The following DCAF1 variants were observed in gnomAD, a reference collection of about 807,000 sequenced individuals.
DCAF1 encodes DDB1 and CUL4 associated factor 1.
DCAF1 carries 15 observed loss-of-function variants against 128.0 expected under a neutral mutation model. The ratio of observed to expected loss-of-function variants is 0.12; its 90% CI spans 0.08 to 0.18. The LOEUF is 0.18. Ranked by LOEUF, DCAF1 falls within the 10% of genes least tolerant of loss-of-function variation. The probability of loss-of-function intolerance (pLI) is 1.00; values close to 1 mark genes in which losing one functional copy is unlikely to be tolerated. For synonymous variants in DCAF1, 610 were observed against 603.0 expected (o/e 1.01, Z -0.17); for missense variants, 988 against 1,649.5 (o/e 0.60, Z 6.95).
chr3:51,442,005 C>T, intron 7 of DCAF1, 108 bp from the exon 8 acceptor site: 1 of 1,413,096 alleles, frequency 7.1e-7, no homozygotes, highest in Non-Finnish European at 9.4e-7. Context: ...GCAGTGAGCC[C>T]AACGCCTGTA....
Position 51,440,950 on chromosome 3 carries a change from A to T in DCAF1, c.1128+20T>A. 4 of 1,585,902 alleles carry T rather than the reference A, an allele frequency of 2.5e-6. No homozygotes were observed. The South Asian group carries it at 4.6e-5, about 18-fold the overall frequency. On this transcript the variant is annotated intron_variant, in intron 9 of 24. Coordinates refer to ENST00000684031, the MANE Select transcript of DCAF1 (RefSeq NM_001387579.1). ...GTTTTTAAAAAATCCCCGGTGACCCAATATTTTTAAGAACTTTACCTTTAG... is the reference window on the plus strand; with the variant it reads ...GTTTTTAAAAAATCCCCGGTGACCCTATATTTTTAAGAACTTTACCTTTAG...
chr3:51,494,414 G>T (rs376417980), intron 2 of DCAF1, among the ~76,000 whole-genome samples: 1 of 151,944 alleles, frequency 6.6e-6, no homozygotes, highest in African/African-American at 2.4e-5. Context: ...GCGCCCGGCC[G>T]AGGTTTCCTT....
intron 13 of DCAF1, among the ~76,000 whole-genome samples, chr3:51,422,954 G>C (rs1465817915): frequency 6.6e-6 from 1 of 151,992 alleles, no homozygotes; most frequent in Non-Finnish European, 1.5e-5. Flanking sequence ...TGTAGTCCCA[G>C]CTTCTCAGGA....
intron 12 of DCAF1, 142 bp downstream of exon 12, chr3:51,429,119 C>G (rs781891260): frequency 1.9e-5 from 11 of 592,558 alleles, no homozygotes; most frequent in Admixed American, 5.8e-5. Flanking sequence ...ATCCATTTTT[C>G]AATTGTTCTG....
rs549399964 is a variant in DCAF1 at position 51,441,206 on chromosome 3, G to A, written c.1027-135C>T. 2.4e-4 allele frequency: 275 copies of A among 1,153,354 alleles called. 1 individual carries two copies. In the African/African-American group the frequency reaches 4.0e-3, roughly 17 times the overall value. 71.4% of individuals were successfully genotyped at this position (1,153,354 alleles called of 1,614,324 possible). A position where few individuals can be genotyped will look rare whatever the true frequency, so the allele number is the denominator to read the frequency against. Reference sequence around the variant, plus strand: ...TCCCTGTGAAGATAAACGTGTAAATGCACTTTAATCAAATAGACCATATCA... The same window carrying A: ...TCCCTGTGAAGATAAACGTGTAAATACACTTTAATCAAATAGACCATATCA... On this transcript the variant is annotated intron_variant, in intron 8 of 24. Coordinates refer to ENST00000684031, the MANE Select transcript of DCAF1 (RefSeq NM_001387579.1).
chr3:51,433,610 C>T (rs1299951799), intron 9 of DCAF1, among the ~76,000 whole-genome samples: 1 of 151,560 alleles, frequency 6.6e-6, no homozygotes, highest in East Asian at 2.0e-4. Context: ...TACAGATACC[C>T]GCCACCACGT....
upstream of DCAF1, among the ~76,000 whole-genome samples, chr3:51,504,124 G>A (rs934744972): frequency 3.4e-5 from 5 of 148,168 alleles, no homozygotes; most frequent in Admixed American, 1.4e-4. Context: ...CGCAAGCTCC[G>A]CCTCCTGGTT....
chr3:51,410,652 T>TA (rs1698318999), intron 23 of DCAF1, among the ~76,000 whole-genome samples: 1 of 152,250 alleles, frequency 6.6e-6, no homozygotes, highest in Non-Finnish European at 1.5e-5. Flanking sequence ...TTCTTGCTTT[T>TA]AAAGAATTAT....
At chr3:51,478,949 T>C (rs1705821251) in intron 3 of DCAF1, among the ~76,000 whole-genome samples, 1 of 152,158 alleles carries the variant, frequency 6.6e-6, no homozygotes, top group Non-Finnish European at 1.5e-5. Flanking sequence ...TTCATAATAT[T>C]ATAGTTCTTT....
chr3:51,432,791 G>A (rs887443501), intron 10 of DCAF1, among the ~76,000 whole-genome samples: 2 of 152,098 alleles, frequency 1.3e-5, no homozygotes, highest in African/African-American at 2.4e-5. Flanking sequence ...AAATGTCATT[G>A]CACTAAGACA....
intron 6 of DCAF1, among the ~76,000 whole-genome samples, chr3:51,461,708 T>C (rs1185275765): frequency 6.6e-6 from 1 of 152,164 alleles, no homozygotes; most frequent in Non-Finnish European, 1.5e-5. Context: ...ATGGCACATA[T>C]ATACCATGGA....
At chr3:51,426,768 G>A (rs1331879303) in intron 13 of DCAF1, among the ~76,000 whole-genome samples, 6 of 152,114 alleles carry the variant, frequency 3.9e-5, no homozygotes, top group African/African-American at 1.4e-4. Context: ...GGAAAAGAAG[G>A]TCAAGCACTC....
chr3:51,425,504 G>A (rs1348659744), intron 13 of DCAF1, among the ~76,000 whole-genome samples: 2 of 146,240 alleles, frequency 1.4e-5, no homozygotes, highest in Non-Finnish European at 3.0e-5. Context: ...AAACACAGAT[G>A]TACCAGTTTA....
intron 9 of DCAF1, among the ~76,000 whole-genome samples, chr3:51,439,017 A>C (rs945958183): frequency 2.0e-5 from 3 of 152,220 alleles, no homozygotes; most frequent in African/African-American, 7.2e-5. Context: ...TCATTCAACT[A>C]TCTCTCTCCA....
chr3:51,456,687 C>A (rs1482348435), intron 6 of DCAF1, among the ~76,000 whole-genome samples: 1 of 152,206 alleles, frequency 6.6e-6, no homozygotes, highest in Non-Finnish European at 1.5e-5. Flanking sequence ...TGACACCTCA[C>A]ACGGCTGGGT....
In DCAF1 at chr3:51,416,819, G is replaced by A. The variant is rs782512213; in HGVS notation, c.3571C>T (p.Arg1191Trp). The A allele has an allele frequency of 1.9e-6, 3 of 1,611,906 alleles. No homozygotes were observed. Among genetic ancestry groups the A allele is most frequent in the South Asian group, 1.1e-5 (1 of 90,432 alleles). ...YVEFSKHSQD[R>W]VIGTKGDIAH... ...ATGTCTCCTTTTGTGCCGATGACCCGATCCTGGGAGTGCTTACTGAACTCA... is the reference window on the plus strand; with the variant it reads ...ATGTCTCCTTTTGTGCCGATGACCCAATCCTGGGAGTGCTTACTGAACTCA... Residue 1191 changes from arginine (R) to tryptophan (W), a missense_variant, in exon 18 of 25, where the codon CGG (arginine) becomes TGG (tryptophan). Physicochemically the swap from Arg to Trp is moderately radical, Grantham distance 101. This residue lies in a region of DCAF1 where 61 missense variants were observed against 78.3 expected (regional missense o/e 0.78). Coordinates refer to ENST00000684031, the MANE Select transcript of DCAF1 (RefSeq NM_001387579.1).
rs1442946477 is a variant in DCAF1, at chr3:51,419,978, G to A, written c.2992C>T (p.Leu998Phe). ...CTGTCCAGCGTAGGTGGGGAAGGAA[G>A]ATGTCTGTCCAGCTGTTTTTTTATG... ...PAIKKQLDRH[L>F]PSPPTLDSII... Residue 998 changes from leucine (L) to phenylalanine (F), a missense_variant, in exon 15 of 25, where the codon CTT (leucine) becomes TTT (phenylalanine). Physicochemically the swap from Leu to Phe is conservative, Grantham distance 22. This residue lies in a region of DCAF1 where 105 missense variants were observed against 266.7 expected (regional missense o/e 0.39). Transcript: ENST00000684031. The A allele has an allele frequency of 1.2e-6, 2 of 1,613,924 alleles. No homozygotes were observed. Among genetic ancestry groups the A allele is most frequent in the East Asian group, 2.2e-5 (1 of 44,896 alleles).
chr3:51,486,941 A>G (rs1707035668), intron 2 of DCAF1, among the ~76,000 whole-genome samples: 1 of 145,208 alleles, frequency 6.9e-6, no homozygotes, highest in Non-Finnish European at 1.5e-5. Context: ...CTCGATAAAT[A>G]TATTTTTAAA....
intron 16 of DCAF1, 86 bp downstream of exon 16, chr3:51,418,592 C>T (rs1699109225): frequency 7.3e-6 from 11 of 1,505,000 alleles, no homozygotes; most frequent in Non-Finnish European, 9.7e-6. Context: ...AAAGAGAGAG[C>T]TCAATAAAGG....
Sources: gnomAD v4.1 joint callset for allele counts (sites outside exome capture counted in the v4.1 genomes callset) on GRCh38, gnomAD v4.1.1 for gene constraint, gnomAD v4.1.1 regional missense constraint, MANE v1.5 for transcripts, NCBI Gene and HGNC (gene_info 2026-07-23, HGNC 2026-07-21) for gene names.